Variants in NEDD4L observed in about 807,000 individuals in gnomAD.
NEDD4L encodes the protein E3 ubiquitin-protein ligase NEDD4-like.
NEDD4L carries 54 observed loss-of-function variants against 148.9 expected under a neutral mutation model. The ratio of observed to expected loss-of-function variants is 0.36; its 90% CI spans 0.29 to 0.45. The LOEUF (loss-of-function observed/expected upper bound fraction) is 0.45, where lower values mean the gene tolerates loss of function less well. Among genes scored for constraint, NEDD4L ranks in the 20% least tolerant of loss-of-function variants. The probability of loss-of-function intolerance (pLI) is 1.00; values close to 1 mark genes in which losing one functional copy is unlikely to be tolerated. For missense variants in NEDD4L, 856 were observed against 1,233.8 expected (o/e 0.69, Z 4.59); for synonymous variants, 433 against 440.7 (o/e 0.98, Z 0.22).
At chr18:58,108,342 G>A (rs564313217) in intron 1 of NEDD4L, among the ~76,000 whole-genome samples, 2 of 152,278 alleles carry the variant, frequency 1.3e-5, no homozygotes, top group Non-Finnish European at 2.9e-5. Flanking sequence ...ATCTATGTTT[G>A]TAGAGGAACA....
At chr18:58,216,267 G>T (rs1260663790) in intron 2 of NEDD4L, among the ~76,000 whole-genome samples, 2 of 152,132 alleles carry the variant, frequency 1.3e-5, no homozygotes, top group Non-Finnish European at 2.9e-5. Context: ...TGGGGCTGGG[G>T]AAGGGAGAGA....
chr18:58,268,253 C>A (rs913899959), intron 5 of NEDD4L, among the ~76,000 whole-genome samples: 2 of 151,990 alleles, frequency 1.3e-5, no homozygotes, highest in Admixed American at 1.3e-4. Context: ...AAGAGGAGGC[C>A]TGGCTAGCAG....
chr18:58,312,823 G>A (rs1043086246), intron 5 of NEDD4L, among the ~76,000 whole-genome samples: 2 of 152,226 alleles, frequency 1.3e-5, no homozygotes, highest in East Asian at 3.8e-4. Flanking sequence ...TGGGACTACA[G>A]GCATGAGCCA....
At chr18:58,123,118 C>G (rs896454471) in intron 1 of NEDD4L, among the ~76,000 whole-genome samples, 4 of 152,184 alleles carry the variant, frequency 2.6e-5, no homozygotes, top group Non-Finnish European at 5.9e-5. Context: ...CATCCTCCAC[C>G]ACCTCTGAAT....
chr18:58,176,380 G>C (rs1599380663), intron 2 of NEDD4L, among the ~76,000 whole-genome samples: 1 of 152,268 alleles, frequency 6.6e-6, no homozygotes, highest in South Asian at 2.1e-4. Context: ...CTGTTGCACA[G>C]GTTAGAGTGC....
intron 24 of NEDD4L, among the ~76,000 whole-genome samples, chr18:58,375,898 G>A (rs2047500288): frequency 6.6e-6 from 1 of 152,154 alleles, no homozygotes; most frequent in African/African-American, 2.4e-5. Flanking sequence ...ACCTATTGAA[G>A]GGTCTTAAAC....
At chr18:58,129,844 T>A (rs1410234575) in intron 1 of NEDD4L, among the ~76,000 whole-genome samples, 1 of 149,988 alleles carries the variant, frequency 6.7e-6, no homozygotes, top group African/African-American at 2.5e-5. Flanking sequence ...TGTGGTGGTG[T>A]TGGGCTCTGT....
At chr18:58,218,387 G>C (rs1308167395) in intron 2 of NEDD4L, among the ~76,000 whole-genome samples, 1 of 152,118 alleles carries the variant, frequency 6.6e-6, no homozygotes, top group Admixed American at 6.6e-5. Flanking sequence ...ACAATTAAAG[G>C]AATGTCATGA....
chr18:58,250,135 T>TTTTG (rs1004173784), intron 4 of NEDD4L, among the ~76,000 whole-genome samples: 6 of 151,982 alleles, frequency 3.9e-5, no homozygotes, highest in African/African-American at 1.5e-4. Flanking sequence ...TGAAGGTTTT[T>TTTTG]TTTGTTTGTT....
chr18:58,223,821 C>T (rs1351670434), intron 2 of NEDD4L, among the ~76,000 whole-genome samples: 1 of 152,204 alleles, frequency 6.6e-6, no homozygotes, highest in East Asian at 1.9e-4. Context: ...CACATGTTCT[C>T]TGCTGTTTTC....
chr18:58,345,930 GT>G (rs35603239), intron 16 of NEDD4L, among the ~76,000 whole-genome samples: 5 of 128,382 alleles, frequency 3.9e-5, no homozygotes, highest in South Asian at 2.3e-4. Flanking sequence ...TTTGTTTTTT[GT>G]TTTTTTTAGC....
chr18:58,345,923 G>GTT (rs72089117), intron 16 of NEDD4L, among the ~76,000 whole-genome samples: 66,310 of 135,422 alleles, frequency 0.49, 15,818 homozygotes, highest in East Asian at 0.66. Flanking sequence ...GTTGTTTTTT[G>GTT]TTTTTTGTTT....
At chr18:58,368,575 T>G (rs1328610350) in intron 22 of NEDD4L, among the ~76,000 whole-genome samples, 3 of 151,648 alleles carry the variant, frequency 2.0e-5, no homozygotes, top group Admixed American at 2.0e-4. Flanking sequence ...AGAGGGAGAG[T>G]AGGATTTGAG....
chr18:58,229,049 A>G (rs1452151595), intron 2 of NEDD4L, among the ~76,000 whole-genome samples: 1 of 152,206 alleles, frequency 6.6e-6, no homozygotes, highest in Non-Finnish European at 1.5e-5. Flanking sequence ...GTGAAGTGCT[A>G]GAACACTGCT....
intron 6 of NEDD4L, among the ~76,000 whole-genome samples, chr18:58,316,364 T>G (rs887249134): frequency 1.3e-5 from 2 of 152,222 alleles, no homozygotes; most frequent in South Asian, 2.1e-4. Context: ...TTCTTGTCAC[T>G]TACTGTCTCT....
At chr18:58,351,087 G>A in intron 18 of NEDD4L, 42 bp downstream of exon 18, 1 of 1,559,610 alleles carries the variant, frequency 6.4e-7, no homozygotes, top group Non-Finnish European at 8.7e-7. Context: ...TTGTGGGTTA[G>A]AGGGAAGGAG....
intron 5 of NEDD4L, among the ~76,000 whole-genome samples, chr18:58,254,568 A>AG (rs1376321920): frequency 6.6e-6 from 1 of 151,782 alleles, no homozygotes; most frequent in Non-Finnish European, 1.5e-5. Context: ...ACCAAAAAAA[A>AG]AAAAAAAAGC....
intron 1 of NEDD4L, among the ~76,000 whole-genome samples, chr18:58,074,791 CAA>C (rs2083077244): frequency 6.6e-6 from 1 of 151,894 alleles, no homozygotes; most frequent in African/African-American, 2.4e-5. Context: ...TATATTAAGA[CAA>C]GAAGATGAAG....
intron 1 of NEDD4L, among the ~76,000 whole-genome samples, chr18:58,070,025 A>G (rs2082785553): frequency 6.6e-6 from 1 of 152,170 alleles, no homozygotes; most frequent in Admixed American, 6.5e-5. Flanking sequence ...CTCTTGAAGG[A>G]CCATCCTCAA....
Sources: gnomAD v4.1 joint callset for allele counts (sites outside exome capture counted in the v4.1 genomes callset) on GRCh38, gnomAD v4.1.1 for gene constraint, MANE v1.5 for transcripts, NCBI Gene and HGNC (gene_info 2026-07-23, HGNC 2026-07-21) for gene names.